WDR48: variants seen among roughly 807,000 people sequenced by gnomAD.
The protein encoded by WDR48 is WD repeat-containing protein 48.
WDR48 carries 22 observed loss-of-function variants against 94.0 expected under a neutral mutation model. The ratio of observed to expected loss-of-function variants is 0.23; its 90% CI spans 0.17 to 0.33. The LOEUF is 0.33. Among genes scored for constraint, WDR48 ranks in the 10% least tolerant of loss-of-function variants. WDR48 has a pLI of 1.00. For synonymous variants in WDR48, 278 were observed against 280.5 expected (o/e 0.99, Z 0.09); for missense variants, 541 against 813.8 (o/e 0.66, Z 4.08).
chr3:39,078,185 G>T lies in WDR48; in HGVS notation c.1021G>T (p.Asp341Tyr). ...TAGAGCCTCTGGAGATTATGACAAT[G>T]ACTGTACAAATCCTATAACACCTCT... ...NFRASGDYDN[D>Y]CTNPITPLCT... Residue 341 changes from aspartate to tyrosine, a missense_variant, in exon 10 of 19, where the codon GAC becomes TAC. Asp to Tyr is a radical substitution (Grantham distance 160). Around this residue, in one of 5 missense-constraint regions of WDR48, gnomAD observed 238 missense variants for 285.3 expected, o/e 0.83. Coordinates refer to ENST00000302313, the MANE Select transcript of WDR48 (RefSeq NM_020839.4). The T allele has an allele frequency of 1.2e-6, 2 of 1,612,544 alleles. No individual in the cohort carries two copies. The highest frequency in any genetic ancestry group is 2.2e-5 in the South Asian group (2 of 90,820).
At position 39,094,241 on chromosome 3, in the gene WDR48, A is replaced by G. The variant is rs375413873; in HGVS notation, c.1938+175A>G. The G allele has an allele frequency of 1.3e-5, 18 of 1,439,768 alleles. No homozygotes were observed. The East Asian group carries it at 2.8e-4, about 22-fold the overall frequency. 89.2% of individuals were successfully genotyped at this position (1,439,768 alleles called of 1,614,324 possible). A position where few individuals can be genotyped will look rare whatever the true frequency, so the allele number is the denominator to read the frequency against. Reference sequence around the variant, plus strand: ...TTACTGCTGGGGAGATTTTCAGAGAAGGGATACATAGACAAATGTGGATGT... The same window carrying G: ...TTACTGCTGGGGAGATTTTCAGAGAGGGGATACATAGACAAATGTGGATGT... On this transcript the variant is annotated intron_variant, in intron 18 of 18. Coordinates refer to ENST00000302313, the MANE Select transcript of WDR48 (RefSeq NM_020839.4).
chr3:39,072,420 G>C (rs575393783), intron 7 of WDR48, among the ~76,000 whole-genome samples: 1 of 152,312 alleles, frequency 6.6e-6, no homozygotes, highest in East Asian at 1.9e-4. Context: ...ATGGGTCTGA[G>C]GGTCTCAGAG....
At chr3:39,088,289 A>C in intron 15 of WDR48, 56 bp downstream of exon 15, 1 of 1,528,710 alleles carries the variant, frequency 6.5e-7, no homozygotes. Context: ...TTTGCTAAGA[A>C]GTGTCGACTC....
At chr3:39,083,113 T>A (rs2125674563) in intron 11 of WDR48, among the ~76,000 whole-genome samples, 1 of 152,278 alleles carries the variant, frequency 6.6e-6, no homozygotes, top group African/African-American at 2.4e-5. Flanking sequence ...ACTAACATCA[T>A]GGATTTAAAT....
At chr3:39,071,511 C>T (rs2033933457) in intron 7 of WDR48, among the ~76,000 whole-genome samples, 1 of 152,162 alleles carries the variant, frequency 6.6e-6, no homozygotes, top group African/African-American at 2.4e-5. Context: ...AAAGCTCTAC[C>T]TGTCTGCTCC....
At chr3:39,071,117 A>G (rs529140873) in intron 7 of WDR48, among the ~76,000 whole-genome samples, 3 of 152,114 alleles carry the variant, frequency 2.0e-5, no homozygotes, top group African/African-American at 4.8e-5. Flanking sequence ...AGTATTTGCT[A>G]TTGTGAATAG....
At chr3:39,094,453 T>C in intron 18 of WDR48, 195 bp from the exon 19 acceptor site, 1 of 1,532,588 alleles carries the variant, frequency 6.5e-7, no homozygotes, top group Non-Finnish European at 8.7e-7. Context: ...GTTTCTGGCA[T>C]AGTCACAAAA....
Position 39,093,926 on chromosome 3 carries a change from G to C in WDR48, c.1798G>C (p.Val600Leu). 2 of 1,613,602 alleles carry C rather than the reference G, an allele frequency of 1.2e-6. No homozygotes were observed. Among genetic ancestry groups the C allele is most frequent in the Non-Finnish European group, 1.7e-6 (2 of 1,179,852 alleles). Reference sequence around the variant, plus strand: ...CCAAGTCCGAAAAGTTATGGAACATGTTTATGAAAAAATTATCAACTTGGA... The same window carrying C: ...CCAAGTCCGAAAAGTTATGGAACATCTTTATGAAAAAATTATCAACTTGGA... ...MLQVRKVMEH[V>L]YEKIINLDNE... Residue 600 changes from valine to leucine, a missense_variant, in exon 18 of 19, where the codon GTT (valine) becomes CTT (leucine). Coordinates refer to ENST00000302313, the MANE Select transcript of WDR48 (RefSeq NM_020839.4).
Position 39,063,038 on chromosome 3 carries a change from C to CA in WDR48, c.49-11dup, listed in dbSNP as rs756967030. The CA allele has an allele frequency of 5.6e-6, 9 of 1,613,674 alleles. No individual in the cohort carries two copies. Among genetic ancestry groups the CA allele is most frequent in the Non-Finnish European group, 7.6e-6 (9 of 1,179,812 alleles). On this transcript the variant is annotated splice_polypyrimidine_tract_variant and intron_variant, in intron 1 of 18. Coordinates refer to ENST00000302313, the MANE Select transcript of WDR48 (RefSeq NM_020839.4). ...GTACTTTATAAAAAGCATATGTTGACACATTTGTCAGGTTTCCTATGTTAT... is the reference window on the plus strand; with the variant it reads ...GTACTTTATAAAAAGCATATGTTGACAACATTTGTCAGGTTTCCTATGTTAT...
intron 1 of WDR48, among the ~76,000 whole-genome samples, chr3:39,058,591 A>C (rs1037122212): frequency 6.6e-6 from 1 of 152,138 alleles, no homozygotes; most frequent in African/African-American, 2.4e-5. Context: ...AGAGAAAGAG[A>C]GATTGAGAGA....
chr3:39,092,582 G>A (rs899249120), intron 17 of WDR48, among the ~76,000 whole-genome samples: 2 of 152,178 alleles, frequency 1.3e-5, no homozygotes, highest in East Asian at 3.8e-4. Flanking sequence ...GCCATAGAGC[G>A]TGCAGTGACT....
At chr3:39,058,860 A>G (rs1430047246) in intron 1 of WDR48, among the ~76,000 whole-genome samples, 1 of 151,542 alleles carries the variant, frequency 6.6e-6, no homozygotes, top group Non-Finnish European at 1.5e-5. Flanking sequence ...GTGGATCAGA[A>G]GGTCAGGAGT....
chr3:39,066,117 C>T (rs1041166165), intron 3 of WDR48, among the ~76,000 whole-genome samples: 14 of 152,182 alleles, frequency 9.2e-5, no homozygotes, highest in South Asian at 4.1e-4. Context: ...GGTAACTGCT[C>T]TTCTGTCTTC....
At chr3:39,076,564 T>C (rs569056891) in intron 8 of WDR48, among the ~76,000 whole-genome samples, 2 of 152,336 alleles carry the variant, frequency 1.3e-5, no homozygotes, top group African/African-American at 4.8e-5. Flanking sequence ...AAACCTGCGG[T>C]TTCCTGATGT....
At chr3:39,055,219 G>A (rs2032793375) in intron 1 of WDR48, among the ~76,000 whole-genome samples, 1 of 152,196 alleles carries the variant, frequency 6.6e-6, no homozygotes. Flanking sequence ...AGGCGTGGTG[G>A]CTCATGCCTG....
rs975439357 is a variant in WDR48, at chr3:39,095,686, C to T, written c.*943C>T. On this transcript the variant is annotated 3_prime_UTR_variant, in exon 19 of 19. Transcript: ENST00000302313. ...TAGTGAGTTAATTTGATATTCATAT[C>T]CTGGAAGTATACATATTTGTTTTTC... 7.2e-5 allele frequency: 11 copies of T among 152,346 alleles called. No homozygotes were observed. The highest frequency in any genetic ancestry group is 2.2e-4 in the African/African-American group (9 of 41,432). 9.4% of individuals were successfully genotyped at this position (152,346 alleles called of 1,614,324 possible).
intron 11 of WDR48, among the ~76,000 whole-genome samples, chr3:39,082,180 G>A (rs908072107): frequency 2.0e-5 from 3 of 152,180 alleles, no homozygotes; most frequent in African/African-American, 4.8e-5. Context: ...CACTAATACA[G>A]GTGAAAGGTG....
chr3:39,084,561 A>C (rs1232254867), intron 12 of WDR48, 84 bp from the exon 13 acceptor site: 24 of 1,253,648 alleles, frequency 1.9e-5, no homozygotes, highest in Non-Finnish European at 2.1e-5. Flanking sequence ...CACTTTAGTC[A>C]AATAGTACAA....
chr3:39,094,569 G>A (rs1250978369), intron 18 of WDR48, 79 bp from the exon 19 acceptor site: 5 of 1,580,074 alleles, frequency 3.2e-6, no homozygotes, highest in African/African-American at 2.7e-5. Context: ...TGGATCACCT[G>A]ATGAGAGTCC....
Sources: allele counts gnomAD v4.1 joint callset (sites outside exome capture counted in the v4.1 genomes callset), GRCh38; gene constraint gnomAD v4.1.1; regional missense constraint gnomAD v4.1.1; transcripts MANE v1.5; gene names NCBI Gene and HGNC (gene_info 2026-07-23, HGNC 2026-07-21).